Variants in ALB observed in about 807,000 individuals in gnomAD.
ALB encodes the protein serum albumin.
ALB carries 37 observed loss-of-function variants against 74.5 expected under a neutral mutation model. The ratio of observed to expected loss-of-function variants is 0.50; its 90% confidence interval spans 0.38 to 0.65. The LOEUF (loss-of-function observed/expected upper bound fraction) is 0.65. ALB is among the 30% of genes least tolerant of loss of function. The pLI is 0.00. For missense variants in ALB, 685 were observed against 718.7 expected, an observed-to-expected ratio of 0.95 and a Z score of 0.54; for synonymous variants, 249 against 251.6, an observed-to-expected ratio of 0.99 and a Z score of 0.10.
At chr4:73,415,998 C>T (rs1366598194) in intron 9 of ALB, among the ~76,000 whole-genome samples, 1 of 152,144 alleles carries the variant, frequency 6.6e-6, no homozygotes, top group Non-Finnish European at 1.5e-5. Context: ...AATTGCACAA[C>T]TGAAGAATGA....
chr4:73,417,425 G>A, intron 10 of ALB, 106 bp from the exon 11 acceptor site: 1 of 1,382,140 alleles, frequency 7.2e-7, no homozygotes, highest in Non-Finnish European at 1.0e-6. Context: ...TATGATGAAT[G>A]GAACATAGCA....
At chr4:73,407,865 C>T (rs1718771253) in intron 3 of ALB, among the ~76,000 whole-genome samples, 1 of 152,184 alleles carries the variant, frequency 6.6e-6, no homozygotes, top group Admixed American at 6.5e-5. Context: ...GTTTTTATCA[C>T]TGGAGCCTTT....
intron 11 of ALB, 185 bp from the exon 12 acceptor site, chr4:73,417,903 C>T (rs964847049): frequency 1.4e-6 from 1 of 706,994 alleles, no homozygotes; most frequent in Non-Finnish European, 2.4e-6. Context: ...GGCTGGAGTG[C>T]AGTGGTGCCA....
Position 73,409,351 on chromosome 4 carries a change from T to G in ALB, c.483-4T>G. On this transcript the variant is annotated splice_polypyrimidine_tract_variant and splice_region_variant and intron_variant, in intron 4 of 14. Transcript: ENST00000295897. ...AGTGACTGTTTTTCTTTTTCAAAAT[T>G]TAGATACTTATATGAAATTGCCAGA... 1 of 1,613,326 alleles carries G rather than the reference T, an allele frequency of 6.2e-7. No individual in the cohort carries two copies. Among genetic ancestry groups the G allele is most frequent in the Non-Finnish European group, 8.5e-7 (1 of 1,179,442 alleles).
At chr4:73,416,478 T>C (rs139825987) in intron 10 of ALB, 125 bp downstream of exon 10, 1 of 748,214 alleles carries the variant, frequency 1.3e-6, no homozygotes, top group Admixed American at 2.1e-5. Context: ...TCACTCTTTG[T>C]CAAGAAAGAT....
chr4:73,417,528 C>G lies in ALB; in HGVS notation c.1290-3C>G. 1 of 1,613,870 alleles carries G rather than the reference C, an allele frequency of 6.2e-7. No homozygotes were observed. The highest frequency in any genetic ancestry group is 8.5e-7 in the Non-Finnish European group (1 of 1,179,892). On this transcript the variant is annotated splice_region_variant and splice_polypyrimidine_tract_variant and intron_variant, in intron 10 of 14. Coordinates refer to ENST00000295897, the MANE Select transcript of ALB (RefSeq NM_000477.7). Reference sequence around the variant, plus strand: ...CTGAAAACACATGACTTCTTTTTTTCAGGCTATTAGTTCGTTACACCAAGA... The same window carrying G: ...CTGAAAACACATGACTTCTTTTTTTGAGGCTATTAGTTCGTTACACCAAGA...
At chr4:73,416,845 G>C (rs973977422) in intron 10 of ALB, among the ~76,000 whole-genome samples, 16 of 152,148 alleles carry the variant, frequency 1.1e-4, no homozygotes, top group Non-Finnish European at 2.1e-4. Flanking sequence ...CTCCATAGAA[G>C]AGACAGAGAC....
At chr4:73,408,866 C>T in intron 4 of ALB, 61 bp downstream of exon 4, 1 of 1,356,690 alleles carries the variant, frequency 7.4e-7, no homozygotes, top group African/African-American at 1.5e-5. Flanking sequence ...CATAGGCCAA[C>T]ACTCTATAAA....
chr4:73,417,064 T>C (rs1022961242), intron 10 of ALB, among the ~76,000 whole-genome samples: 3 of 152,238 alleles, frequency 2.0e-5, no homozygotes, highest in Non-Finnish European at 4.4e-5. Context: ...CTTTTAATGG[T>C]GACTGGCATT....
rs1719054232 is a variant in ALB at position 73,417,864 on chromosome 4, T to A, written c.1428+195T>A. ...CGAGGATGATAATTTTTTTTTTTTTTTTGAGACGGAGTCTCGCTTTGTTGT... is the reference window on the plus strand; with the variant it reads ...CGAGGATGATAATTTTTTTTTTTTTATTGAGACGGAGTCTCGCTTTGTTGT... On this transcript the variant is annotated intron_variant, in intron 11 of 14. Transcript: ENST00000295897. 4 of 743,506 alleles carry A rather than the reference T, an allele frequency of 5.4e-6. No homozygotes were observed. In the East Asian group the frequency reaches 1.1e-4, roughly 20 times the overall value. 46.1% of individuals were successfully genotyped at this position (743,506 alleles called of 1,614,324 possible). A position where few individuals can be genotyped will look rare whatever the true frequency, so the allele number is the denominator to read the frequency against.
intron 14 of ALB, chr4:73,420,780 C>A: frequency 3.2e-6 from 1 of 310,638 alleles, no homozygotes. Context: ...TCAACTCATC[C>A]TTTCCATTGG....
intron 14 of ALB, 37 bp downstream of exon 14, chr4:73,420,358 A>G: frequency 7.5e-7 from 1 of 1,341,204 alleles, no homozygotes; most frequent in Non-Finnish European, 1.0e-6. Context: ...AAGTAACTAT[A>G]ATAGTTATTA....
In ALB at chr4:73,418,071, T is replaced by A; in HGVS notation, c.1429-17T>A. 6.2e-7 allele frequency: 1 copy of A among 1,612,646 alleles called. No homozygotes were observed. On this transcript the variant is annotated splice_polypyrimidine_tract_variant and intron_variant, in intron 11 of 14. Coordinates refer to ENST00000295897, the MANE Select transcript of ALB (RefSeq NM_000477.7). ...CTTCACCTCTTTTGAATTTCTGCTCTCCTGCCTGTTCTTTAGCTATCCGTG... is the reference window on the plus strand; with the variant it reads ...CTTCACCTCTTTTGAATTTCTGCTCACCTGCCTGTTCTTTAGCTATCCGTG...
Position 73,409,749 on chromosome 4 carries a change from C to T in ALB, c.615+262C>T, listed in dbSNP as rs138649322. Among the ~76,000 whole-genome samples the T allele has an allele frequency of 1.1e-3, 175 of 152,204 alleles. 1 individual carries two copies. The highest frequency in any genetic ancestry group is 4.2e-3 in the African/African-American group (174 of 41,528). On this transcript the variant is annotated intron_variant, in intron 5 of 14. Coordinates refer to ENST00000295897, the MANE Select transcript of ALB (RefSeq NM_000477.7). The stretch of plus-strand genomic sequence containing the variant: ...TTTCACCACTTTTTATGGTGGTGAT[C>T]ACTATAGTGAAATACTGAAACTTGT...
intron 7 of ALB, among the ~76,000 whole-genome samples, chr4:73,412,566 C>T (rs1718906638): frequency 1.3e-5 from 2 of 152,212 alleles, no homozygotes; most frequent in African/African-American, 4.8e-5. Flanking sequence ...ATGCCTCAGC[C>T]TCCCAAGTAG....
At chr4:73,419,486 T>C (rs779416409) in intron 12 of ALB, 21 bp from the exon 13 acceptor site, 1 of 1,605,992 alleles carries the variant, frequency 6.2e-7, no homozygotes, top group South Asian at 1.1e-5. Context: ...TTTTTTTTTT[T>C]CTTTTTCCAT....
chr4:73,412,999 G>T (rs993555498), intron 7 of ALB, among the ~76,000 whole-genome samples: 2 of 152,032 alleles, frequency 1.3e-5, no homozygotes, highest in African/African-American at 2.4e-5. Flanking sequence ...ATTTAAGGCG[G>T]TTATTTTATA....
At position 73,421,240 on chromosome 4, in the gene ALB, A is replaced by AGG. The variant is rs1719133892; in HGVS notation, c.*172_*173insGG. 8.3e-6 allele frequency: 5 copies of AGG among 598,902 alleles called. No homozygotes were observed. Among genetic ancestry groups the AGG allele is most frequent in the Middle Eastern group, 3.7e-4 (1 of 2,714 alleles). The allele number at this position is 598,902 out of a possible 1,614,324, so 37.1% of individuals were successfully genotyped here. On this transcript the variant is annotated 3_prime_UTR_variant, in exon 15 of 15. Coordinates refer to ENST00000295897, the MANE Select transcript of ALB (RefSeq NM_000477.7). ...TTTTCTCTGTGCTTCAATTAATAAA[A>AGG]AATGGAAAGAATCTAATAGAGTGGT...
chr4:73,409,711 A>T (rs546410894), intron 5 of ALB, among the ~76,000 whole-genome samples: 2 of 152,264 alleles, frequency 1.3e-5, no homozygotes, highest in East Asian at 3.9e-4. Context: ...ATCACTGTGC[A>T]TGTGTTTAAA....
Sources: gnomAD v4.1 joint callset for allele counts (sites outside exome capture counted in the v4.1 genomes callset) on GRCh38, gnomAD v4.1.1 for gene constraint, MANE v1.5 for transcripts, NCBI Gene and HGNC (gene_info 2026-07-23, HGNC 2026-07-21) for gene names.